CNTN5: variants seen among roughly 807,000 people sequenced by gnomAD.
The protein encoded by CNTN5 is contactin 5.
A neutral mutation model predicts 129.1 loss-of-function variants in CNTN5; 77 were observed. The ratio of observed to expected loss-of-function variants is 0.60; its 90% CI spans 0.50 to 0.72. The LOEUF (loss-of-function observed/expected upper bound fraction) is 0.72, where lower values mean the gene tolerates loss of function less well. Among genes scored for constraint, CNTN5 ranks in the 30% least tolerant of loss-of-function variants. CNTN5 has a pLI of 0.00. For missense variants in CNTN5, 1,478 were observed against 1,328.8 expected, an observed-to-expected ratio of 1.11 and a Z score of -1.75; for synonymous variants, 509 against 465.6, an observed-to-expected ratio of 1.09 and a Z score of -1.20.
intron 16 of CNTN5, among the ~76,000 whole-genome samples, chr11:100,247,358 G>T (rs143075979): frequency 6.6e-6 from 1 of 152,300 alleles, no homozygotes; most frequent in East Asian, 1.9e-4. Context: ...GGAAAAAAAG[G>T]AAAGTATAAC....
intron 1 of CNTN5, among the ~76,000 whole-genome samples, chr11:99,316,497 T>G (rs528961389): frequency 7.0e-4 from 106 of 152,290 alleles, no homozygotes; most frequent in African/African-American, 2.4e-3. Flanking sequence ...CTGAGACTCA[T>G]AGAGTGATGA....
rs1950886694 is a variant in CNTN5 at position 99,959,496 on chromosome 11, C to T, written c.877+2487C>T. On this transcript the variant is annotated intron_variant, in intron 8 of 24. Coordinates refer to ENST00000524871, the MANE Select transcript of CNTN5 (RefSeq NM_014361.4). ...ATCCTCCTGTTACAACCAATTCCTC[C>T]ATCCTGTACTATTGAGAATCATTCC... Among the ~76,000 whole-genome samples, 5 of 152,236 alleles carry T rather than the reference C, an allele frequency of 3.3e-5. No individual in the cohort carries two copies. In the South Asian group the frequency reaches 8.3e-4, roughly 25 times the overall value.
At chr11:99,749,955 T>TA (rs893943325) in intron 3 of CNTN5, among the ~76,000 whole-genome samples, 1 of 152,190 alleles carries the variant, frequency 6.6e-6, no homozygotes, top group Non-Finnish European at 1.5e-5. Flanking sequence ...CCTTCCTCCT[T>TA]ACTGCTTATT....
chr11:99,745,425 G>A (rs1944022185), intron 3 of CNTN5, among the ~76,000 whole-genome samples: 1 of 152,112 alleles, frequency 6.6e-6, no homozygotes, highest in South Asian at 2.1e-4. Context: ...GGGTATATTG[G>A]TTTTATAAGT....
At chr11:100,268,332 A>G (rs1000788459) in intron 17 of CNTN5, among the ~76,000 whole-genome samples, 1 of 152,156 alleles carries the variant, frequency 6.6e-6, no homozygotes, top group Non-Finnish European at 1.5e-5. Context: ...CAACTCCAAG[A>G]AAGTAAGTAT....
At chr11:99,958,194 T>A (rs1348422540) in intron 8 of CNTN5, among the ~76,000 whole-genome samples, 1 of 152,144 alleles carries the variant, frequency 6.6e-6, no homozygotes, top group Non-Finnish European at 1.5e-5. Context: ...CTACAAAAAC[T>A]AATCCGCCAA....
At chr11:99,803,181 G>T (rs375869452) in intron 3 of CNTN5, among the ~76,000 whole-genome samples, 1 of 152,172 alleles carries the variant, frequency 6.6e-6, no homozygotes, top group African/African-American at 2.4e-5. Context: ...AATGCATGGA[G>T]ATCTTCCTGA....
intron 1 of CNTN5, among the ~76,000 whole-genome samples, chr11:99,085,757 T>C (rs186355960): frequency 9.2e-5 from 14 of 152,322 alleles, no homozygotes; most frequent in Admixed American, 2.6e-4. Context: ...TGCTGAATAA[T>C]AACATTTCAG....
chr11:99,667,632 C>G (rs1010463278), intron 3 of CNTN5, among the ~76,000 whole-genome samples: 3 of 152,122 alleles, frequency 2.0e-5, no homozygotes, highest in Non-Finnish European at 2.9e-5. Flanking sequence ...GGAATGAGAT[C>G]ATGTCTTTTG....
chr11:99,965,805 G>T (rs1029892264), intron 8 of CNTN5, among the ~76,000 whole-genome samples: 9 of 151,974 alleles, frequency 5.9e-5, no homozygotes, highest in African/African-American at 2.2e-4. Context: ...TCTCTTTCTA[G>T]GTCTCTAAGG....
chr11:99,142,731 T>C (rs982640495), intron 1 of CNTN5, among the ~76,000 whole-genome samples: 5 of 152,078 alleles, frequency 3.3e-5, no homozygotes, highest in African/African-American at 1.2e-4. Context: ...ACTGCAGCCA[T>C]TCTGACACCA....
At chr11:99,389,055 G>A (rs1941092699) in intron 2 of CNTN5, among the ~76,000 whole-genome samples, 1 of 100,258 alleles carries the variant, frequency 1.0e-5, no homozygotes, top group Non-Finnish European at 2.1e-5. Flanking sequence ...TTGAGATGGA[G>A]TTTTGCTCTT....
intron 3 of CNTN5, among the ~76,000 whole-genome samples, chr11:99,685,377 G>GTACA (rs1953745477): frequency 6.6e-6 from 1 of 151,588 alleles, no homozygotes; most frequent in Non-Finnish European, 1.5e-5. Flanking sequence ...ATGTCACTTA[G>GTACA]GTCATATTGT....
At chr11:99,346,121 A>G (rs571516584) in intron 2 of CNTN5, among the ~76,000 whole-genome samples, 39 of 152,112 alleles carry the variant, frequency 2.6e-4, no homozygotes, top group Non-Finnish European at 4.7e-4. Context: ...CTAATTCTAT[A>G]TTTGACTTTT....
intron 1 of CNTN5, among the ~76,000 whole-genome samples, chr11:99,299,866 G>A (rs892019258): frequency 1.3e-5 from 2 of 151,960 alleles, no homozygotes; most frequent in Non-Finnish European, 2.9e-5. Context: ...TACAAGTGTA[G>A]GTGTCTTTTT....
At chr11:100,092,585 C>T (rs1944830677) in intron 13 of CNTN5, among the ~76,000 whole-genome samples, 1 of 152,146 alleles carries the variant, frequency 6.6e-6, no homozygotes. Context: ...TATAGCTTTG[C>T]TCTCCAAACT....
At chr11:100,261,550 C>T (rs1034585439) in intron 17 of CNTN5, among the ~76,000 whole-genome samples, 6 of 152,162 alleles carry the variant, frequency 3.9e-5, no homozygotes, top group African/African-American at 1.2e-4. Context: ...TCAAATTCTA[C>T]TATAAGGCTA....
intron 6 of CNTN5, among the ~76,000 whole-genome samples, chr11:99,884,864 C>A (rs1948859446): frequency 6.6e-6 from 1 of 152,138 alleles, no homozygotes; most frequent in African/African-American, 2.4e-5. Context: ...GTAGTCCCAG[C>A]TACTCGGTTG....
chr11:99,597,930 G>A (rs1054964987), intron 3 of CNTN5, among the ~76,000 whole-genome samples: 1 of 151,988 alleles, frequency 6.6e-6, no homozygotes, highest in Non-Finnish European at 1.5e-5. Context: ...GGAAGCCCAG[G>A]GATTCCTTCC....
Sources: allele counts gnomAD v4.1 joint callset (sites outside exome capture counted in the v4.1 genomes callset), GRCh38; gene constraint gnomAD v4.1.1; transcripts MANE v1.5; gene names NCBI Gene and HGNC (gene_info 2026-07-23, HGNC 2026-07-21).